Variants in MKLN1 observed in about 807,000 individuals in gnomAD.
MKLN1 encodes the protein muskelin.
In MKLN1, 18 loss-of-function variants were observed where a neutral mutation model predicts 99.0. The ratio of observed to expected loss-of-function variants is 0.18; its 90% confidence interval spans 0.13 to 0.27. The LOEUF is 0.27. MKLN1 is among the 10% of genes least tolerant of loss of function. MKLN1 has a pLI of 1.00. For missense variants in MKLN1, 621 were observed against 875.9 expected, an observed-to-expected ratio of 0.71 and a Z score of 3.67; for synonymous variants, 288 against 293.2, an observed-to-expected ratio of 0.98 and a Z score of 0.18.
rs371950161 is a variant in MKLN1 at position 131,193,371 on chromosome 7, A to C, written c.-296-9486A>C. Among the ~76,000 whole-genome samples the C allele has an allele frequency of 4.6e-5, 7 of 152,030 alleles. No homozygotes were observed. In the East Asian group the frequency reaches 7.7e-4, roughly 17 times the overall value. On this transcript the variant is annotated intron_variant, in intron 2 of 7. Coordinates refer to the MKLN1 transcript ENST00000416992. ...AGTCACATTTTTAAAAATTATTATT[A>C]TTATTATTTTTTGAGACGGAGTCTC...
chr7:131,362,819 T>A (rs1763099085), intron 1 of MKLN1, among the ~76,000 whole-genome samples: 1 of 151,962 alleles, frequency 6.6e-6, no homozygotes, highest in African/African-American at 2.4e-5. Flanking sequence ...GGAGGATTTT[T>A]AAAAATTTAG....
intron 10 of MKLN1, among the ~76,000 whole-genome samples, chr7:131,440,293 A>C (rs1795801094): frequency 1.3e-5 from 2 of 152,244 alleles, no homozygotes. Context: ...GCTTGAGATC[A>C]GCCCTGTAAG....
chr7:131,343,227 C>T (rs944292949), intron 1 of MKLN1, among the ~76,000 whole-genome samples: 2 of 152,176 alleles, frequency 1.3e-5, no homozygotes, highest in Non-Finnish European at 2.9e-5. Flanking sequence ...GCATATTCAT[C>T]AGCTCCAATT....
intron 3 of MKLN1, among the ~76,000 whole-genome samples, chr7:131,282,982 A>C (rs1356706774): frequency 6.6e-6 from 1 of 152,178 alleles, no homozygotes; most frequent in Non-Finnish European, 1.5e-5. Context: ...TAGGATGCTC[A>C]CAAGGCCAGC....
At chr7:131,313,607 G>T (rs1387760689) in intron 3 of MKLN1, among the ~76,000 whole-genome samples, 1 of 152,222 alleles carries the variant, frequency 6.6e-6, no homozygotes, top group Admixed American at 6.5e-5. Context: ...CAAGGAGAAA[G>T]AATTTAAGCC....
intron 3 of MKLN1, among the ~76,000 whole-genome samples, chr7:131,222,469 A>C (rs1157904702): frequency 6.6e-6 from 1 of 152,150 alleles, no homozygotes; most frequent in Non-Finnish European, 1.5e-5. Flanking sequence ...ACTCTGGTTT[A>C]TGTAGAGTCT....
intron 8 of MKLN1, among the ~76,000 whole-genome samples, chr7:131,426,225 G>C (rs2116413334): frequency 6.6e-6 from 1 of 152,284 alleles, no homozygotes; most frequent in South Asian, 2.1e-4. Flanking sequence ...TTTTCAGAAA[G>C]AACATTGAGA....
chr7:131,306,434 A>T (rs1238517455), intron 3 of MKLN1, among the ~76,000 whole-genome samples: 1 of 152,206 alleles, frequency 6.6e-6, no homozygotes, highest in Non-Finnish European at 1.5e-5. Flanking sequence ...AATGGTTTTG[A>T]CCAAAATGCT....
chr7:131,206,650 G>T (rs1275869145), intron 3 of MKLN1, among the ~76,000 whole-genome samples: 2 of 151,660 alleles, frequency 1.3e-5, no homozygotes. Context: ...CAAACTCCTG[G>T]GTTCAAGCAA....
At chr7:131,348,880 C>T (rs1407034065) in intron 1 of MKLN1, among the ~76,000 whole-genome samples, 5 of 152,096 alleles carry the variant, frequency 3.3e-5, no homozygotes, top group East Asian at 1.9e-4. Flanking sequence ...GTTCTACCAC[C>T]GATTAATTGG....
At chr7:131,163,995 A>G (rs1796089093) in intron 2 of MKLN1, among the ~76,000 whole-genome samples, 1 of 152,202 alleles carries the variant, frequency 6.6e-6, no homozygotes, top group Non-Finnish European at 1.5e-5. Flanking sequence ...GAATAATTGC[A>G]AATTAAGCTT....
intron 3 of MKLN1, among the ~76,000 whole-genome samples, chr7:131,234,905 C>G (rs906637852): frequency 6.6e-6 from 1 of 152,232 alleles, no homozygotes; most frequent in East Asian, 1.9e-4. Context: ...CTAATTCATT[C>G]GGATGCTTGC....
intron 3 of MKLN1, among the ~76,000 whole-genome samples, chr7:131,205,401 G>A (rs1232509059): frequency 6.6e-6 from 1 of 152,110 alleles, no homozygotes; most frequent in African/African-American, 2.4e-5. Context: ...CGCTTCTTGG[G>A]CATAGTCAGA....
At chr7:131,213,683 T>C (rs1796939052) in intron 3 of MKLN1, among the ~76,000 whole-genome samples, 1 of 152,244 alleles carries the variant, frequency 6.6e-6, no homozygotes. Flanking sequence ...GGTCTTAGGA[T>C]TCATATTAAT....
At chr7:131,466,190 A>C in intron 14 of MKLN1, 86 bp from the exon 15 acceptor site, 1 of 894,506 alleles carries the variant, frequency 1.1e-6, no homozygotes, top group Non-Finnish European at 1.6e-6. Context: ...GAATGGGCTC[A>C]GGAAGTTAAC....
At chr7:131,459,741 A>T (rs13227496) in intron 12 of MKLN1, among the ~76,000 whole-genome samples, 27,998 of 149,754 alleles carry the variant, frequency 0.19, 3,085 homozygotes, top group Admixed American at 0.32. Context: ...CCATCTTTTT[A>T]AAAAAAAAAC....
chr7:131,362,363 G>A (rs1468032052), intron 1 of MKLN1, among the ~76,000 whole-genome samples: 1 of 151,944 alleles, frequency 6.6e-6, no homozygotes, highest in East Asian at 1.9e-4. Context: ...CATGACTGTT[G>A]TAGCTGTTGT....
chr7:131,194,246 T>C (rs898741601), intron 2 of MKLN1, among the ~76,000 whole-genome samples: 7 of 152,190 alleles, frequency 4.6e-5, no homozygotes, highest in Admixed American at 2.0e-4. Context: ...ATTTGGATCA[T>C]ACCCAAAGGA....
rs1479916631 is a variant in MKLN1 at position 131,414,542 on chromosome 7, G to A, written c.782-103G>A. 18 of 653,384 alleles carry A rather than the reference G, an allele frequency of 2.8e-5. 1 individual carries two copies. Among genetic ancestry groups the A allele is most frequent in the Non-Finnish European group, 3.8e-5 (15 of 395,080 alleles). 40.5% of individuals were successfully genotyped at this position (653,384 alleles called of 1,614,324 possible). A position where few individuals can be genotyped will look rare whatever the true frequency, so the allele number is the denominator to read the frequency against. On this transcript the variant is annotated intron_variant, in intron 7 of 17. Transcript: ENST00000352689. ...ACTTATTAATATTTTGAAAAAATAAGGGTGGGTTATTTTTACTACTGATTA... is the reference window on the plus strand; with the variant it reads ...ACTTATTAATATTTTGAAAAAATAAAGGTGGGTTATTTTTACTACTGATTA...
Sources: allele counts gnomAD v4.1 joint callset (sites outside exome capture counted in the v4.1 genomes callset), GRCh38; gene constraint gnomAD v4.1.1; transcripts MANE v1.5; gene names NCBI Gene and HGNC (gene_info 2026-07-23, HGNC 2026-07-21).